The following SPON1 variants were observed in gnomAD, a reference collection of about 807,000 sequenced individuals.
SPON1 encodes spondin 1, also known as spondin-1.
Under a neutral mutation model 111.7 loss-of-function variants are expected in SPON1, and 52 were observed. The ratio of observed to expected loss-of-function variants is 0.47; its 90% CI spans 0.37 to 0.59. The LOEUF is 0.59. Ranked by LOEUF, SPON1 falls within the 20% of genes least tolerant of loss-of-function variation. The probability of loss-of-function intolerance (pLI) is 0.00; values close to 1 mark genes in which losing one functional copy is unlikely to be tolerated. For synonymous variants in SPON1, 410 were observed against 395.8 expected (o/e 1.04, Z -0.43); for missense variants, 957 against 1,068.5 (o/e 0.90, Z 1.46).
rs80047229 is a variant in SPON1, at chr11:14,245,192, G to A, written c.890+1796G>A. 2.1e-3 allele frequency among the ~76,000 whole-genome samples: 315 copies of A among 152,294 alleles called. 2 individuals carry two copies. The highest frequency in any genetic ancestry group is 7.3e-3 in the African/African-American group (303 of 41,558). ...CAAAAGGAAGACGCCCCAGGATAGGGCAGTGGGAGTGAGGGAGGAGGCACA... is the reference window on the plus strand; with the variant it reads ...CAAAAGGAAGACGCCCCAGGATAGGACAGTGGGAGTGAGGGAGGAGGCACA... On this transcript the variant is annotated intron_variant, in intron 7 of 15. Coordinates refer to ENST00000576479, the MANE Select transcript of SPON1 (RefSeq NM_006108.4).
chr11:13,984,449 TTGC>T (rs1848166850), intron 2 of SPON1, among the ~76,000 whole-genome samples: 1 of 152,138 alleles, frequency 6.6e-6, no homozygotes, highest in Non-Finnish European at 1.5e-5. Flanking sequence ...GAGGGCCTTC[TTGC>T]TGCATTATCC....
intron 1 of SPON1, among the ~76,000 whole-genome samples, chr11:13,977,443 C>T (rs1848111453): frequency 6.6e-6 from 1 of 152,110 alleles, no homozygotes; most frequent in Non-Finnish European, 1.5e-5. Context: ...GGTTGAGAGC[C>T]TTTGCATATG....
chr11:14,124,454 T>A (rs1847432817), intron 5 of SPON1, among the ~76,000 whole-genome samples: 1 of 152,216 alleles, frequency 6.6e-6, no homozygotes, highest in Non-Finnish European at 1.5e-5. Context: ...TTTATCAAAG[T>A]TGTATCACCC....
At chr11:14,203,249 A>G (rs1848483119) in intron 6 of SPON1, among the ~76,000 whole-genome samples, 1 of 152,208 alleles carries the variant, frequency 6.6e-6, no homozygotes, top group Non-Finnish European at 1.5e-5. Flanking sequence ...TCTGAGGGTA[A>G]TTCACTGAAA....
chr11:14,148,260 T>C (rs1206728847), intron 6 of SPON1, among the ~76,000 whole-genome samples: 1 of 152,194 alleles, frequency 6.6e-6, no homozygotes, highest in Admixed American at 6.5e-5. Flanking sequence ...GTACTCATGA[T>C]TGGTCCCATT....
At chr11:14,212,760 T>A (rs1554936846) in intron 6 of SPON1, among the ~76,000 whole-genome samples, 2 of 152,214 alleles carry the variant, frequency 1.3e-5, no homozygotes, top group Non-Finnish European at 2.9e-5. Flanking sequence ...TATATTTGCA[T>A]GGGTTGTCTA....
In SPON1 at chr11:14,265,614, G is replaced by T; in HGVS notation, c.2351G>T (p.Arg784Ile). Residue 784 changes from arginine (R) to isoleucine (I), a missense_variant, in exon 16 of 16, where the codon AGA (arginine) becomes ATA (isoleucine). This residue lies in a region of SPON1 where 549 missense variants were observed against 606.2 expected (regional missense o/e 0.91). Coordinates refer to ENST00000576479, the MANE Select transcript of SPON1 (RefSeq NM_006108.4). ...GAACGTTACATGACTGTAAAGAAGA[G>T]ATTCAAAAGCTCCCAGTTTACCAGC... ...IQERYMTVKK[R>I]FKSSQFTSCK... is the part of the protein sequence containing the mutation. The T allele has an allele frequency of 6.2e-7, 1 of 1,613,756 alleles. No individual in the cohort carries two copies. Among genetic ancestry groups the T allele is most frequent in the South Asian group, 1.1e-5 (1 of 90,984 alleles).
At chr11:14,220,118 A>G (rs950835242) in intron 6 of SPON1, among the ~76,000 whole-genome samples, 5 of 151,138 alleles carry the variant, frequency 3.3e-5, no homozygotes, top group African/African-American at 1.2e-4. Context: ...TTTCCTACAT[A>G]TGGAGGCTGT....
chr11:14,017,744 A>T (rs868910607), intron 2 of SPON1, among the ~76,000 whole-genome samples: 7 of 152,316 alleles, frequency 4.6e-5, no homozygotes, highest in South Asian at 2.1e-4. Flanking sequence ...TGAATAGAAG[A>T]CCTTCACCAA....
chr11:14,150,504 T>A (rs1847774237), intron 6 of SPON1, among the ~76,000 whole-genome samples: 1 of 152,122 alleles, frequency 6.6e-6, no homozygotes, highest in African/African-American at 2.4e-5. Context: ...GTGATATGCA[T>A]GCAAATTACC....
intron 9 of SPON1, among the ~76,000 whole-genome samples, chr11:14,256,303 C>CA: frequency 6.6e-6 from 1 of 152,304 alleles, no homozygotes; most frequent in East Asian, 1.9e-4. Context: ...CAGTGAGGCC[C>CA]AGTGCTCAAA....
chr11:14,249,989 G>A (rs1554940547), intron 7 of SPON1, among the ~76,000 whole-genome samples: 1 of 152,168 alleles, frequency 6.6e-6, no homozygotes, highest in African/African-American at 2.4e-5. Flanking sequence ...ACACCATGCT[G>A]CCTCTCCAAA....
At chr11:14,192,246 G>GATAT (rs35202633) in intron 6 of SPON1, among the ~76,000 whole-genome samples, 103 of 144,278 alleles carry the variant, frequency 7.1e-4, no homozygotes, top group African/African-American at 1.6e-3. Flanking sequence ...TATCATTAGG[G>GATAT]ATATATATAT....
intron 6 of SPON1, among the ~76,000 whole-genome samples, chr11:14,199,040 A>G (rs1315484982): frequency 6.6e-6 from 1 of 152,092 alleles, no homozygotes; most frequent in Non-Finnish European, 1.5e-5. Flanking sequence ...AGTGTTTCCT[A>G]CTATCTACTA....
chr11:14,038,501 A>C (rs782156763), intron 2 of SPON1, among the ~76,000 whole-genome samples: 1 of 152,124 alleles, frequency 6.6e-6, no homozygotes, highest in Non-Finnish European at 1.5e-5. Flanking sequence ...CAAACAACTC[A>C]ACATTAAGAA....
In SPON1 at chr11:14,072,433, T is replaced by C. The variant is rs372226745; in HGVS notation, c.480-2912T>C. 9.4e-4 allele frequency among the ~76,000 whole-genome samples: 143 copies of C among 152,190 alleles called. 3 individuals carry two copies. The South Asian group carries it at 0.028, about 30-fold the overall frequency. On this transcript the variant is annotated intron_variant, in intron 3 of 15. Coordinates refer to ENST00000576479, the MANE Select transcript of SPON1 (RefSeq NM_006108.4). ...TGCTTTTAAATGATAGGCTTTGCCA[T>C]TGTCCCCCTATTTACAGTAGGAGGA...
chr11:14,173,726 G>A (rs1848137794), intron 6 of SPON1, among the ~76,000 whole-genome samples: 1 of 152,192 alleles, frequency 6.6e-6, no homozygotes, highest in African/African-American at 2.4e-5. Flanking sequence ...ACCCTCAGCT[G>A]CAGGTCTGTT....
At chr11:14,220,703 G>C (rs112726879) in intron 6 of SPON1, among the ~76,000 whole-genome samples, 1 of 152,236 alleles carries the variant, frequency 6.6e-6, no homozygotes, top group East Asian at 1.9e-4. Context: ...TAAATATGAG[G>C]GTGAGCTGAT....
At chr11:14,047,303 T>C (rs905050558) in intron 3 of SPON1, among the ~76,000 whole-genome samples, 1 of 152,196 alleles carries the variant, frequency 6.6e-6, no homozygotes, top group Non-Finnish European at 1.5e-5. Context: ...TTCAAATCAG[T>C]GCCTTTAATC....
Sources: gnomAD v4.1 joint callset for allele counts (sites outside exome capture counted in the v4.1 genomes callset) on GRCh38, gnomAD v4.1.1 for gene constraint, gnomAD v4.1.1 regional missense constraint, MANE v1.5 for transcripts, NCBI Gene and HGNC (gene_info 2026-07-23, HGNC 2026-07-21) for gene names.